Variants in CTNNA3 observed in about 807,000 individuals in gnomAD.
CTNNA3 encodes catenin alpha 3.
In CTNNA3, 76 loss-of-function variants were observed where a neutral mutation model predicts 95.7. The observed-to-expected ratio is 0.79, with a 90% CI of 0.66 to 0.96. The LOEUF (loss-of-function observed/expected upper bound fraction) is 0.96, where lower values mean the gene tolerates loss of function less well. CTNNA3 is among the 40% of genes least tolerant of loss of function. CTNNA3 has a pLI of 0.00. For synonymous variants in CTNNA3, 431 were observed against 374.4 expected (o/e 1.15, Z -1.74); for missense variants, 1,191 against 1,089.8 (o/e 1.09, Z -1.31).
intron 13 of CTNNA3, among the ~76,000 whole-genome samples, chr10:66,212,668 CT>C (rs2088245155): frequency 1.3e-5 from 2 of 152,102 alleles, no homozygotes; most frequent in Non-Finnish European, 2.9e-5. Context: ...TTCAGTGTAG[CT>C]TTCTTTCAGG....
chr10:66,547,347 C>CTTTTTTTTTTTTTTT (rs1296263060), intron 10 of CTNNA3, among the ~76,000 whole-genome samples: 2 of 109,282 alleles, frequency 1.8e-5, no homozygotes, highest in South Asian at 3.3e-4. Flanking sequence ...TTCTTTCTTT[C>CTTTTTTTTTTTTTTT]TTTTTTTTTT....
chr10:65,916,208 T>C lies in CTNNA3; in HGVS notation c.*4122A>G, dbSNP rs1286499998. ...TTCCTACTTTACTTAAAAAGAATTA[T>C]TAAAATAATATAAAATTATATTCTT... is the stretch of plus-strand genomic sequence containing the variant. On this transcript the variant is annotated 3_prime_UTR_variant, in exon 18 of 18. Transcript: ENST00000433211. The C allele has an allele frequency of 1.3e-5, 2 of 151,980 alleles. No homozygotes were observed. The highest frequency in any genetic ancestry group is 4.8e-5 in the African/African-American group (2 of 41,442). The allele number at this position is 151,980 out of a possible 1,614,324, so 9.4% of individuals were successfully genotyped here.
intron 7 of CTNNA3, among the ~76,000 whole-genome samples, chr10:67,116,767 T>C (rs1859212755): frequency 6.7e-6 from 1 of 148,576 alleles, no homozygotes; most frequent in Non-Finnish European, 1.5e-5. Context: ...TGCTTTATGA[T>C]TTTGTTTATG....
At chr10:65,970,286 A>G (rs1471718935) in intron 16 of CTNNA3, among the ~76,000 whole-genome samples, 1 of 152,166 alleles carries the variant, frequency 6.6e-6, no homozygotes, top group African/African-American at 2.4e-5. Context: ...AATTCTAAAC[A>G]TGGGGAAAAT....
At chr10:66,536,958 A>G (rs1311398665) in intron 10 of CTNNA3, among the ~76,000 whole-genome samples, 3 of 152,094 alleles carry the variant, frequency 2.0e-5, no homozygotes, top group Non-Finnish European at 4.4e-5. Context: ...CGGTGAAAAT[A>G]AGCTTCACTC....
At chr10:67,723,241 C>G (rs1040046506) in intron 1 of CTNNA3, among the ~76,000 whole-genome samples, 1 of 151,878 alleles carries the variant, frequency 6.6e-6, no homozygotes, top group Non-Finnish European at 1.5e-5. Flanking sequence ...TCCCACTTGG[C>G]CTCCCAAAGT....
intron 12 of CTNNA3, among the ~76,000 whole-genome samples, chr10:66,354,906 G>C (rs964823307): frequency 1.3e-5 from 2 of 151,980 alleles, no homozygotes; most frequent in Non-Finnish European, 2.9e-5. Flanking sequence ...AAAAATGTTA[G>C]TTCTAGTGTA....
chr10:67,225,235 T>G (rs570467904), intron 5 of CTNNA3, among the ~76,000 whole-genome samples: 4 of 152,230 alleles, frequency 2.6e-5, no homozygotes, highest in African/African-American at 9.6e-5. Flanking sequence ...CCAAGGACAG[T>G]CTCAGCTCAG....
At chr10:67,704,107 C>T (rs1315719641) in intron 1 of CTNNA3, among the ~76,000 whole-genome samples, 2 of 152,186 alleles carry the variant, frequency 1.3e-5, no homozygotes, top group African/African-American at 4.8e-5. Flanking sequence ...CTACAAACTA[C>T]TGCTCAATGA....
chr10:66,580,234 AT>A (rs1287737122), intron 10 of CTNNA3, among the ~76,000 whole-genome samples: 2 of 151,144 alleles, frequency 1.3e-5, no homozygotes, highest in East Asian at 1.9e-4. Context: ...GTAACATTCT[AT>A]TTTTTTATTC....
intron 7 of CTNNA3, among the ~76,000 whole-genome samples, chr10:66,918,118 T>C (rs1846590984): frequency 6.6e-6 from 1 of 152,226 alleles, no homozygotes; most frequent in Admixed American, 6.5e-5. Flanking sequence ...GAATTTTGAT[T>C]GCTATCCTAT....
intron 7 of CTNNA3, among the ~76,000 whole-genome samples, chr10:67,023,935 T>C (rs1440472785): frequency 1.3e-5 from 2 of 152,258 alleles, no homozygotes; most frequent in African/African-American, 4.8e-5. Flanking sequence ...AGATAATTTC[T>C]AGGATTATTT....
chr10:66,773,513 T>C (rs555171351), intron 8 of CTNNA3, among the ~76,000 whole-genome samples: 104 of 152,270 alleles, frequency 6.8e-4, no homozygotes, highest in Non-Finnish European at 1.3e-3. Context: ...GAAGAAGCAC[T>C]GAGGTTCCAA....
intron 7 of CTNNA3, among the ~76,000 whole-genome samples, chr10:66,987,954 C>T (rs1850825801): frequency 6.6e-6 from 1 of 152,116 alleles, no homozygotes; most frequent in Non-Finnish European, 1.5e-5. Flanking sequence ...ACATTTCTAT[C>T]ATAACAAATG....
intron 9 of CTNNA3, among the ~76,000 whole-genome samples, chr10:66,668,478 C>T (rs1015714167): frequency 8.3e-4 from 123 of 147,508 alleles, no homozygotes; most frequent in Non-Finnish European, 8.5e-4. Context: ...CACATATATA[C>T]ATACATACAC....
chr10:67,416,139 A>G (rs778187956), intron 5 of CTNNA3, among the ~76,000 whole-genome samples: 1 of 152,146 alleles, frequency 6.6e-6, no homozygotes, highest in Non-Finnish European at 1.5e-5. Flanking sequence ...AAACAAAAAT[A>G]TAGTGAGAAC....
intron 1 of CTNNA3, among the ~76,000 whole-genome samples, chr10:67,670,190 C>A (rs1028220359): frequency 2.0e-5 from 3 of 152,150 alleles, no homozygotes; most frequent in African/African-American, 7.2e-5. Flanking sequence ...GTCACTGAGG[C>A]TATATTAGAA....
At chr10:66,723,698 G>A (rs1407456149) in intron 9 of CTNNA3, among the ~76,000 whole-genome samples, 1 of 152,092 alleles carries the variant, frequency 6.6e-6, no homozygotes, top group African/African-American at 2.4e-5. Context: ...ACTGCCCATT[G>A]CCAGCAATAG....
chr10:66,046,524 C>G (rs771236573), intron 15 of CTNNA3, among the ~76,000 whole-genome samples: 1 of 151,868 alleles, frequency 6.6e-6, no homozygotes, highest in South Asian at 2.1e-4. Flanking sequence ...TTAGAAAAAT[C>G]TTAAATTAAC....
Sources: allele counts gnomAD v4.1 joint callset (sites outside exome capture counted in the v4.1 genomes callset), GRCh38; gene constraint gnomAD v4.1.1; transcripts MANE v1.5; gene names NCBI Gene and HGNC (gene_info 2026-07-23, HGNC 2026-07-21).